The following ENTREP2 variants were observed in gnomAD, a reference collection of about 807,000 sequenced individuals.
The protein encoded by ENTREP2 is protein ENTREP2.
the ENTREP2 span, among the ~76,000 whole-genome samples, chr15:29,561,843 A>T: frequency 2.6e-5 from 4 of 152,194 alleles, no homozygotes; most frequent in Non-Finnish European, 5.9e-5. Context: ...TTGACCAGAA[A>T]CAGGATATTG....
chr15:29,578,319 GTAT>G, the ENTREP2 span, among the ~76,000 whole-genome samples: 1 of 152,130 alleles, frequency 6.6e-6, no homozygotes, highest in African/African-American at 2.4e-5. Flanking sequence ...CCACTCCTAG[GTAT>G]ATACCCAAAG....
chr15:29,140,146 C>T, the ENTREP2 span, among the ~76,000 whole-genome samples: 1 of 152,228 alleles, frequency 6.6e-6, no homozygotes, highest in African/African-American at 2.4e-5. Flanking sequence ...CTCTTCTGTT[C>T]CTTCAGCCTT....
At chr15:29,240,350 G>A in the ENTREP2 span, among the ~76,000 whole-genome samples, 2 of 150,546 alleles carry the variant, frequency 1.3e-5, no homozygotes, top group African/African-American at 4.9e-5. Context: ...GCGACAGAGC[G>A]AGACTCCGTC....
At chr15:29,269,816 T>A in the ENTREP2 span, 1 of 1,019,678 alleles carries the variant, frequency 9.8e-7, no homozygotes, top group Non-Finnish European at 1.3e-6. Flanking sequence ...CAGTGTCGGC[T>A]GAGACTGCGT....
At chr15:29,536,542 T>C in the ENTREP2 span, among the ~76,000 whole-genome samples, 5 of 149,854 alleles carry the variant, frequency 3.3e-5, no homozygotes, top group Non-Finnish European at 1.5e-5. Flanking sequence ...AGGCAGAGGT[T>C]GCAGTGAGCT....
At chr15:29,149,101 T>G in the ENTREP2 span, among the ~76,000 whole-genome samples, 2 of 152,138 alleles carry the variant, frequency 1.3e-5, no homozygotes, top group Admixed American at 1.3e-4. Context: ...GGTCTTGAAC[T>G]CCTGACCTCA....
chr15:29,324,480 G>A, the ENTREP2 span, among the ~76,000 whole-genome samples: 1 of 151,970 alleles, frequency 6.6e-6, no homozygotes, highest in East Asian at 1.9e-4. Flanking sequence ...TATCAGAGTA[G>A]ATAAAATAAA....
chr15:29,302,418 G>A, the ENTREP2 span, among the ~76,000 whole-genome samples: 3 of 152,142 alleles, frequency 2.0e-5, no homozygotes, highest in African/African-American at 7.2e-5. Flanking sequence ...TGTTTTAAAG[G>A]AAGATGCAGC....
the ENTREP2 span, among the ~76,000 whole-genome samples, chr15:29,583,502 G>A: frequency 6.6e-4 from 101 of 152,238 alleles, 2 homozygotes; most frequent in Middle Eastern, 6.8e-3. Context: ...GAGCAATGAG[G>A]GGGAGAGCAT....
chr15:29,153,504 C>T, the ENTREP2 span, among the ~76,000 whole-genome samples: 1 of 152,102 alleles, frequency 6.6e-6, no homozygotes, highest in African/African-American at 2.4e-5. Context: ...GTGTATTAAT[C>T]CCATCATGTG....
At chr15:29,588,518 G>GAGGA in the ENTREP2 span, among the ~76,000 whole-genome samples, 9 of 116,530 alleles carry the variant, frequency 7.7e-5, no homozygotes, top group Non-Finnish European at 1.1e-4. Context: ...GGGAGGGAGG[G>GAGGA]AGGAAGGAAG....
the ENTREP2 span, among the ~76,000 whole-genome samples, chr15:29,389,026 A>G: frequency 6.6e-6 from 1 of 152,006 alleles, no homozygotes; most frequent in South Asian, 2.1e-4. Context: ...TGACGAGTTA[A>G]TGGATGCAGC....
chr15:29,207,240 G>C, the ENTREP2 span, among the ~76,000 whole-genome samples: 6 of 152,182 alleles, frequency 3.9e-5, no homozygotes, highest in East Asian at 1.2e-3. Flanking sequence ...AGGCGTGGAA[G>C]CATTTGGACT....
chr15:29,329,253 C>T, the ENTREP2 span, among the ~76,000 whole-genome samples: 3 of 152,012 alleles, frequency 2.0e-5, no homozygotes, highest in Non-Finnish European at 4.4e-5. Context: ...GTCCCAGCTC[C>T]TCGGGAGGCT....
At chr15:29,275,259 T>G in the ENTREP2 span, among the ~76,000 whole-genome samples, 1 of 152,196 alleles carries the variant, frequency 6.6e-6, no homozygotes, top group East Asian at 1.9e-4. Flanking sequence ...GAAAGAAATA[T>G]ATATATCAAG....
the ENTREP2 span, among the ~76,000 whole-genome samples, chr15:29,217,296 C>G: frequency 3.3e-5 from 5 of 152,124 alleles, no homozygotes; most frequent in Non-Finnish European, 7.3e-5. Context: ...AAGATAGAAT[C>G]TGTCTGGTTC....
the ENTREP2 span, among the ~76,000 whole-genome samples, chr15:29,272,060 T>TA: frequency 6.6e-6 from 1 of 152,156 alleles, no homozygotes; most frequent in Admixed American, 6.5e-5. Flanking sequence ...GCAGCACGCT[T>TA]ACCTAGATAG....
chr15:29,182,245 C>T, the ENTREP2 span, among the ~76,000 whole-genome samples: 2,916 of 151,964 alleles, frequency 0.019, 48 homozygotes, highest in Admixed American at 0.039. Flanking sequence ...CTGCCTCAGC[C>T]TCCCAAGTAT....
the ENTREP2 span, among the ~76,000 whole-genome samples, chr15:29,456,467 T>C: frequency 6.6e-6 from 1 of 152,240 alleles, no homozygotes. Flanking sequence ...TCAAGGCTAT[T>C]TTTTGTCTGA....
Sources: allele counts gnomAD v4.1 joint callset (sites outside exome capture counted in the v4.1 genomes callset), GRCh38; gene constraint gnomAD v4.1.1; transcripts MANE v1.5; gene names NCBI Gene and HGNC (gene_info 2026-07-23, HGNC 2026-07-21).